The following FRMD5 variants were observed in gnomAD, a reference collection of about 807,000 sequenced individuals.
FRMD5 encodes FERM domain containing 5, also known as FERM domain-containing protein 5.
In FRMD5, 20 loss-of-function variants were observed where a neutral mutation model predicts 69.0. The observed-to-expected ratio is 0.29, with a 90% CI of 0.20 to 0.42. The LOEUF is 0.42. FRMD5 is among the 10% of genes least tolerant of loss of function. The pLI is 1.00. For missense variants in FRMD5, 595 were observed against 708.6 expected, an observed-to-expected ratio of 0.84 and a Z score of 1.82; for synonymous variants, 271 against 260.1, an observed-to-expected ratio of 1.04 and a Z score of -0.40.
chr15:44,149,354 TGA>T (rs1477262550), intron 1 of FRMD5, among the ~76,000 whole-genome samples: 3 of 151,516 alleles, frequency 2.0e-5, no homozygotes, highest in Non-Finnish European at 2.9e-5. Context: ...AATACAGAAA[TGA>T]GAGATTTTTA....
chr15:44,050,895 C>T (rs996146939), intron 1 of FRMD5, among the ~76,000 whole-genome samples: 14 of 151,702 alleles, frequency 9.2e-5, no homozygotes, highest in Admixed American at 6.6e-4. Context: ...TGACCTCAAG[C>T]GATCTGCCTG....
chr15:43,990,140 G>A, intron 1 of FRMD5: 1 of 610,160 alleles, frequency 1.6e-6, no homozygotes, highest in Non-Finnish European at 3.1e-6. Context: ...CCTTGCACAT[G>A]CCAGAGCCAT....
chr15:43,990,667 A>C (rs957481419), intron 1 of FRMD5, among the ~76,000 whole-genome samples: 2 of 152,226 alleles, frequency 1.3e-5, no homozygotes, highest in Admixed American at 1.3e-4. Flanking sequence ...AGTACTCATC[A>C]GATATTTCTA....
intron 1 of FRMD5, among the ~76,000 whole-genome samples, chr15:44,050,474 C>T (rs1274854665): frequency 6.6e-6 from 1 of 151,084 alleles, no homozygotes; most frequent in Admixed American, 6.6e-5. Context: ...GTCCTCCTAC[C>T]TCAGCCTCCC....
intron 1 of FRMD5, among the ~76,000 whole-genome samples, chr15:44,035,132 C>G (rs1049609888): frequency 1.3e-5 from 2 of 152,120 alleles, no homozygotes; most frequent in Non-Finnish European, 2.9e-5. Flanking sequence ...GTCCAAACCC[C>G]AAAGAGCCTG....
rs140645911 is a variant in FRMD5 at position 44,047,324 on chromosome 15, A to G, written c.103-123015T>C. Among the ~76,000 whole-genome samples the G allele has an allele frequency of 7.2e-3, 1,096 of 151,758 alleles. 9 individuals carry two copies. The highest frequency in any genetic ancestry group is 0.025 in the African/African-American group (1,044 of 41,354). Reference sequence around the variant, plus strand: ...ACTGTCTCAAAAAAGAGGGGAGGGGAGAGGAGGGGAAAGGAGGGGAGAGGG... The same window carrying G: ...ACTGTCTCAAAAAAGAGGGGAGGGGGGAGGAGGGGAAAGGAGGGGAGAGGG... On this transcript the variant is annotated intron_variant, in intron 1 of 13. Coordinates refer to ENST00000417257, the MANE Select transcript of FRMD5 (RefSeq NM_032892.5).
intron 9 of FRMD5, 28 bp downstream of exon 9, chr15:43,888,781 C>T: frequency 6.3e-7 from 1 of 1,597,044 alleles, no homozygotes; most frequent in Non-Finnish European, 8.6e-7. Context: ...CCCCAGCCCT[C>T]CTTGAAGAGA....
intron 1 of FRMD5, among the ~76,000 whole-genome samples, chr15:44,120,225 T>A (rs115497622): frequency 6.6e-6 from 1 of 151,994 alleles, no homozygotes; most frequent in African/African-American, 2.4e-5. Flanking sequence ...TTTAGAAAGA[T>A]CTCTCTGGAA....
At chr15:44,106,819 T>C (rs991060198) in intron 1 of FRMD5, among the ~76,000 whole-genome samples, 18 of 152,206 alleles carry the variant, frequency 1.2e-4, no homozygotes, top group Admixed American at 3.3e-4. Flanking sequence ...TTAATAAATG[T>C]TTTTAGTTTG....
intron 1 of FRMD5, among the ~76,000 whole-genome samples, chr15:44,167,432 TA>T (rs932052627): frequency 1.1e-4 from 17 of 152,074 alleles, no homozygotes; most frequent in African/African-American, 3.6e-4. Flanking sequence ...GAGAGTGTAG[TA>T]ACAAATACTC....
chr15:44,135,823 CA>C (rs747196640), intron 1 of FRMD5, among the ~76,000 whole-genome samples: 2,948 of 70,954 alleles, frequency 0.042, 36 homozygotes, highest in African/African-American at 0.085. Flanking sequence ...GACTCTGTCT[CA>C]AAAAAAAAAA....
chr15:44,003,243 A>C (rs1426230712), intron 1 of FRMD5, among the ~76,000 whole-genome samples: 1 of 152,074 alleles, frequency 6.6e-6, no homozygotes, highest in Non-Finnish European at 1.5e-5. Context: ...CACCACTATC[A>C]ATCACCCTGG....
At chr15:43,961,385 CA>C (rs1179538925) in intron 1 of FRMD5, among the ~76,000 whole-genome samples, 4 of 152,140 alleles carry the variant, frequency 2.6e-5, no homozygotes, top group Non-Finnish European at 4.4e-5. Context: ...AGACCAATAA[CA>C]GGAGCTGAAA....
intron 1 of FRMD5, among the ~76,000 whole-genome samples, chr15:44,128,445 C>T (rs980731641): frequency 6.6e-6 from 1 of 152,120 alleles, no homozygotes; most frequent in Non-Finnish European, 1.5e-5. Flanking sequence ...CCATTGCACT[C>T]CAGCCTGGGT....
intron 1 of FRMD5, among the ~76,000 whole-genome samples, chr15:43,950,071 AG>A (rs1431480933): frequency 6.6e-6 from 1 of 152,172 alleles, no homozygotes; most frequent in African/African-American, 2.4e-5. Flanking sequence ...GGAAGGCTAG[AG>A]GTTGTCCTAC....
chr15:43,995,277 CTG>C (rs1217749865), intron 1 of FRMD5, among the ~76,000 whole-genome samples: 1 of 152,186 alleles, frequency 6.6e-6, no homozygotes, highest in Non-Finnish European at 1.5e-5. Context: ...GAAAAAAAGT[CTG>C]TACATGTTTA....
intron 1 of FRMD5, among the ~76,000 whole-genome samples, chr15:44,065,108 A>C (rs905322123): frequency 1.3e-5 from 2 of 152,224 alleles, no homozygotes; most frequent in African/African-American, 4.8e-5. Flanking sequence ...ACCTTGGGCA[A>C]ATTATTTAAG....
At chr15:43,877,753 G>T (rs959667900) in intron 13 of FRMD5, among the ~76,000 whole-genome samples, 28 of 152,144 alleles carry the variant, frequency 1.8e-4, no homozygotes, top group African/African-American at 6.8e-4. Flanking sequence ...TCTTTTTAAA[G>T]CACTTTGATT....
At chr15:44,027,669 G>A (rs57722974) in intron 1 of FRMD5, among the ~76,000 whole-genome samples, 18 of 114,290 alleles carry the variant, frequency 1.6e-4, no homozygotes, top group Admixed American at 2.9e-4. Flanking sequence ...TTTTTTTTCC[G>A]AGACAGAGTC....
Sources: gnomAD v4.1 joint callset for allele counts (sites outside exome capture counted in the v4.1 genomes callset) on GRCh38, gnomAD v4.1.1 for gene constraint, MANE v1.5 for transcripts, NCBI Gene and HGNC (gene_info 2026-07-23, HGNC 2026-07-21) for gene names.